Variants in MAGI2 observed in about 807,000 individuals in gnomAD.
MAGI2 encodes the protein membrane-associated guanylate kinase, WW and PDZ domain-containing protein 2.
MAGI2 carries 35 observed loss-of-function variants against 133.3 expected under a neutral mutation model. The observed-to-expected ratio is 0.26, with a 90% CI of 0.20 to 0.35. The LOEUF is 0.35. MAGI2 is among the 10% of genes least tolerant of loss of function. MAGI2 has a pLI of 1.00. For synonymous variants in MAGI2, 729 were observed against 710.6 expected (o/e 1.03, Z -0.41); for missense variants, 1,636 against 1,863.4 (o/e 0.88, Z 2.25).
In MAGI2 at chr7:79,220,943, A is replaced by G. The variant is rs190396415; in HGVS notation, c.302-213737T>C. 2.2e-3 allele frequency among the ~76,000 whole-genome samples: 331 copies of G among 152,114 alleles called. 2 individuals carry two copies. Among genetic ancestry groups the G allele is most frequent in the African/African-American group, 6.5e-3 (270 of 41,400 alleles). On this transcript the variant is annotated intron_variant, in intron 1 of 21. Coordinates refer to ENST00000354212, the MANE Select transcript of MAGI2 (RefSeq NM_012301.4). The stretch of plus-strand genomic sequence containing the variant: ...ACTGGGTGTAAGGGAATAAAAACTT[A>G]AGGTCATCCTGGAGCTTAAAATTCA...
chr7:78,526,141 T>C (rs1796930341), intron 3 of MAGI2, among the ~76,000 whole-genome samples: 1 of 152,182 alleles, frequency 6.6e-6, no homozygotes, highest in South Asian at 2.1e-4. Context: ...AAGAACCTCA[T>C]CTCTTTTGAA....
chr7:79,365,156 C>T (rs1842618644), intron 1 of MAGI2, among the ~76,000 whole-genome samples: 1 of 152,138 alleles, frequency 6.6e-6, no homozygotes, highest in African/African-American at 2.4e-5. Flanking sequence ...TATTAGCTAT[C>T]AGAGATACGC....
intron 2 of MAGI2, among the ~76,000 whole-genome samples, chr7:78,914,280 T>G (rs575432537): frequency 6.6e-6 from 1 of 152,134 alleles, no homozygotes; most frequent in Non-Finnish European, 1.5e-5. Flanking sequence ...CATTCTCATT[T>G]TTAAAAATGG....
At chr7:78,213,630 C>T (rs1176373070) in intron 10 of MAGI2, among the ~76,000 whole-genome samples, 3 of 152,184 alleles carry the variant, frequency 2.0e-5, no homozygotes, top group Non-Finnish European at 2.9e-5. Context: ...GCCAGAGTTT[C>T]GGCCAAAGGC....
intron 2 of MAGI2, among the ~76,000 whole-genome samples, chr7:78,823,443 C>T (rs1176720103): frequency 2.0e-5 from 3 of 151,842 alleles, no homozygotes; most frequent in East Asian, 3.9e-4. Flanking sequence ...ATTAGCTGGG[C>T]GTGGTGGCGG....
chr7:79,433,908 T>TTTTCCTTGATG (rs1346441408), intron 1 of MAGI2, among the ~76,000 whole-genome samples: 2 of 152,206 alleles, frequency 1.3e-5, no homozygotes, highest in African/African-American at 4.8e-5. Context: ...TATATTGTGA[T>TTTTCCTTGATG]TTTCCTTGAT....
chr7:79,279,231 C>G (rs555457503), intron 1 of MAGI2, among the ~76,000 whole-genome samples: 2 of 152,204 alleles, frequency 1.3e-5, no homozygotes, highest in African/African-American at 4.8e-5. Context: ...ATTCCTGGAA[C>G]CCAGTCACCT....
chr7:78,901,148 G>A (rs1171629334), intron 2 of MAGI2: 1 of 152,142 alleles, frequency 6.6e-6, no homozygotes, highest in Non-Finnish European at 1.5e-5. Context: ...AGACCCCACT[G>A]TAATATCTAT....
At chr7:78,172,240 CT>C (rs1395515561) in intron 14 of MAGI2, among the ~76,000 whole-genome samples, 2 of 152,210 alleles carry the variant, frequency 1.3e-5, no homozygotes, top group African/African-American at 4.8e-5. Flanking sequence ...CGCTTTCATT[CT>C]TTCCTGCACT....
intron 1 of MAGI2, among the ~76,000 whole-genome samples, chr7:79,403,041 A>G (rs1237727110): frequency 6.6e-6 from 1 of 152,216 alleles, no homozygotes; most frequent in African/African-American, 2.4e-5. Context: ...TTAACCATAT[A>G]AAGTGCTTAG....
chr7:79,367,856 G>GACACACACACACACACACAC lies in MAGI2; in HGVS notation c.301+85163_301+85164insGTGTGTGTGTGTGTGTGTGT, dbSNP rs1183514493. On this transcript the variant is annotated intron_variant, in intron 1 of 21. Transcript: ENST00000354212. The stretch of plus-strand genomic sequence containing the variant: ...GTCATATATATATGCTTATATATGT[G>GACACACACACACACACACAC]ACATATATATATATATATATGTCAT... Among the ~76,000 whole-genome samples, 424 of 69,806 alleles carry GACACACACACACACACACAC rather than the reference G, an allele frequency of 6.1e-3. 27 individuals carry two copies. The highest frequency in any genetic ancestry group is 0.035 in the South Asian group (78 of 2,260). The allele number at this position is 69,806 out of a possible 152,430, so 45.8% of individuals were successfully genotyped here. A position where few individuals can be genotyped will look rare whatever the true frequency, so the allele number is the denominator to read the frequency against.
intron 1 of MAGI2, among the ~76,000 whole-genome samples, chr7:79,023,794 C>A (rs2215548): frequency 6.6e-6 from 1 of 151,644 alleles, no homozygotes; most frequent in Non-Finnish European, 1.5e-5. Context: ...TGAAATATTT[C>A]TACAATGAGA....
chr7:78,212,589 G>T (rs1342074497), intron 10 of MAGI2, among the ~76,000 whole-genome samples: 1 of 152,168 alleles, frequency 6.6e-6, no homozygotes, highest in African/African-American at 2.4e-5. Flanking sequence ...ATCTGTGCTG[G>T]ATTTCTGACC....
chr7:79,413,867 T>A (rs1020141434), intron 1 of MAGI2: 1 of 152,200 alleles, frequency 6.6e-6, no homozygotes, highest in African/African-American at 2.4e-5. Flanking sequence ...CGGGTCTGCA[T>A]CTATACCACT....
At chr7:78,835,773 C>T (rs561278261) in intron 2 of MAGI2, among the ~76,000 whole-genome samples, 2 of 152,322 alleles carry the variant, frequency 1.3e-5, no homozygotes, top group East Asian at 1.9e-4. Flanking sequence ...CTTCTTAATA[C>T]ATTTATGGTT....
intron 19 of MAGI2, 129 bp from the exon 20 acceptor site, chr7:78,125,966 C>T (rs1041196092): frequency 1.1e-5 from 11 of 963,650 alleles, no homozygotes; most frequent in Non-Finnish European, 1.5e-5. Flanking sequence ...TGGGAGAAGT[C>T]GTAATCTGGC....
intron 21 of MAGI2, among the ~76,000 whole-genome samples, chr7:78,068,070 G>A (rs1814030699): frequency 6.6e-6 from 1 of 152,176 alleles, no homozygotes; most frequent in Admixed American, 6.5e-5. Flanking sequence ...TTGGCAACAG[G>A]GACTAGTTTT....
At chr7:78,124,651 AG>A (rs1820789260) in intron 20 of MAGI2, among the ~76,000 whole-genome samples, 1 of 152,098 alleles carries the variant, frequency 6.6e-6, no homozygotes, top group Non-Finnish European at 1.5e-5. Flanking sequence ...AGGGAGGGCA[AG>A]AATAAATTCT....
intron 9 of MAGI2, among the ~76,000 whole-genome samples, chr7:78,308,863 AG>A (rs937120433): frequency 1.3e-5 from 2 of 152,250 alleles, no homozygotes; most frequent in African/African-American, 4.8e-5. Flanking sequence ...CATAATACAT[AG>A]TTTATCTGGT....
Sources: gnomAD v4.1 joint callset for allele counts (sites outside exome capture counted in the v4.1 genomes callset) on GRCh38, gnomAD v4.1.1 for gene constraint, MANE v1.5 for transcripts, NCBI Gene and HGNC (gene_info 2026-07-23, HGNC 2026-07-21) for gene names.